TEC: variants seen among roughly 807,000 people sequenced by gnomAD.
TEC encodes tyrosine-protein kinase Tec.
In TEC, 72 loss-of-function variants were observed where a neutral mutation model predicts 93.0. The observed-to-expected ratio is 0.77, with a 90% CI of 0.64 to 0.94. The LOEUF is 0.94. TEC is among the 40% of genes least tolerant of loss of function. The pLI, the probability that TEC is intolerant of heterozygous loss-of-function variation, is 0.00. For missense variants in TEC, 630 were observed against 757.9 expected (o/e 0.83, Z 1.98); for synonymous variants, 249 against 247.7 (o/e 1.01, Z -0.05).
intron 1 of TEC, among the ~76,000 whole-genome samples, chr4:48,263,765 G>A (rs1560429402): frequency 1.3e-5 from 2 of 152,116 alleles, no homozygotes; most frequent in East Asian, 1.9e-4. Context: ...AGTAATCTAC[G>A]TACCACCCAA....
chr4:48,224,490 A>G (rs1723375596), intron 2 of TEC, among the ~76,000 whole-genome samples: 1 of 152,140 alleles, frequency 6.6e-6, no homozygotes. Context: ...CCCCTGTGTC[A>G]TTTAGCCCCG....
At position 48,228,514 on chromosome 4, in the gene TEC, G is replaced by T. The variant is rs148824532; in HGVS notation, c.101C>A (p.Thr34Lys). 6.2e-7 allele frequency: 1 copy of T among 1,612,696 alleles called. No individual in the cohort carries two copies. Among genetic ancestry groups the T allele is most frequent in the Non-Finnish European group, 8.5e-7 (1 of 1,179,830 alleles). ...LNYKERLFVL[T>K]KSMLTYYEGR... is the part of the protein sequence containing the mutation. Reference sequence around the variant, plus strand: ...CTCATAGTAGGTTAGCATGGACTTTGTAAGTACAAAAAGTCTCTCTTTGTA... The same window carrying T: ...CTCATAGTAGGTTAGCATGGACTTTTTAAGTACAAAAAGTCTCTCTTTGTA... Residue 34 changes from threonine (T) to lysine (K), a missense_variant, in exon 2 of 18, where the codon ACA (threonine) becomes AAA (lysine). Transcript: ENST00000381501.
At chr4:48,138,563 T>TA (rs1417409541) in intron 17 of TEC, 102 bp downstream of exon 17, 2 of 1,360,664 alleles carry the variant, frequency 1.5e-6, no homozygotes, top group Non-Finnish European at 2.0e-6. Context: ...GAAATCACTA[T>TA]AAAGATGCAC....
intron 8 of TEC, among the ~76,000 whole-genome samples, chr4:48,156,992 C>T (rs1720429138): frequency 6.6e-6 from 1 of 152,144 alleles, no homozygotes. Flanking sequence ...ACTACATAGG[C>T]TATACGATAA....
chr4:48,179,372 ATATATTT>A (rs1274165424), intron 2 of TEC, among the ~76,000 whole-genome samples: 4 of 27,106 alleles, frequency 1.5e-4, no homozygotes, highest in South Asian at 2.5e-3. Flanking sequence ...ATATATATAT[ATATATTT>A]TTTTTTTTTT....
chr4:48,159,115 T>C (rs1211530459), intron 8 of TEC, among the ~76,000 whole-genome samples: 1 of 150,536 alleles, frequency 6.6e-6, no homozygotes, highest in African/African-American at 2.4e-5. Context: ...AAGGCTCCCC[T>C]GAATTCTCCT....
chr4:48,186,979 G>C (rs1231782319), intron 2 of TEC, among the ~76,000 whole-genome samples: 1 of 152,262 alleles, frequency 6.6e-6, no homozygotes. Context: ...TGGCGTTTTT[G>C]TCGAATAGAA....
At chr4:48,173,483 C>A (rs969941189) in intron 3 of TEC, among the ~76,000 whole-genome samples, 2 of 152,328 alleles carry the variant, frequency 1.3e-5, no homozygotes, top group South Asian at 2.1e-4. Context: ...AACCTCAGAT[C>A]ACACAATGTT....
chr4:48,260,110 T>G (rs1293003782), intron 1 of TEC, among the ~76,000 whole-genome samples: 1 of 152,230 alleles, frequency 6.6e-6, no homozygotes, highest in African/African-American at 2.4e-5. Context: ...AAATGACCTG[T>G]CAGGTTCTTC....
intron 2 of TEC, 73 bp from the exon 3 acceptor site, chr4:48,176,259 A>G (rs1263164713): frequency 8.5e-7 from 1 of 1,170,964 alleles, no homozygotes; most frequent in Admixed American, 2.0e-5. Context: ...TTGTTAAGGA[A>G]ATTTTGCTCT....
intron 9 of TEC, 126 bp from the exon 10 acceptor site, chr4:48,151,068 A>T: frequency 1.6e-6 from 1 of 614,836 alleles, no homozygotes; most frequent in Non-Finnish European, 2.6e-6. Context: ...AAATGCTTTG[A>T]AGAAGCACAA....
At chr4:48,236,287 T>G (rs547513796) in intron 1 of TEC, among the ~76,000 whole-genome samples, 9 of 152,254 alleles carry the variant, frequency 5.9e-5, no homozygotes, top group African/African-American at 1.9e-4. Flanking sequence ...AGCTTTTTTT[T>G]TTGTTTTTTT....
intron 2 of TEC, among the ~76,000 whole-genome samples, chr4:48,191,133 T>C (rs756438883): frequency 2.5e-4 from 38 of 152,210 alleles, no homozygotes; most frequent in Non-Finnish European, 5.0e-4. Context: ...TATCTGTAAA[T>C]GGGGATCTTA....
At chr4:48,179,356 A>ATCTATC (rs1274067290) in intron 2 of TEC, among the ~76,000 whole-genome samples, 2 of 34,502 alleles carry the variant, frequency 5.8e-5, no homozygotes, top group African/African-American at 2.4e-4. Flanking sequence ...ATATATATAT[A>ATCTATC]TATATATATA....
intron 14 of TEC, 124 bp from the exon 15 acceptor site, chr4:48,141,543 C>G (rs978529681): frequency 5.6e-6 from 5 of 894,038 alleles, no homozygotes; most frequent in Non-Finnish European, 8.4e-6. Flanking sequence ...GTGGAAACAC[C>G]CTTTAATAAG....
chr4:48,209,733 A>G (rs1219878080), intron 2 of TEC, among the ~76,000 whole-genome samples: 2 of 152,384 alleles, frequency 1.3e-5, no homozygotes, highest in Non-Finnish European at 2.9e-5. Context: ...AATACATTTA[A>G]CAAGAAAAGT....
chr4:48,175,749 C>T (rs749408813), intron 3 of TEC, among the ~76,000 whole-genome samples: 5 of 152,096 alleles, frequency 3.3e-5, no homozygotes, highest in Non-Finnish European at 7.4e-5. Flanking sequence ...ATGATTACCC[C>T]GAAGAAGCAT....
chr4:48,227,758 A>C (rs532360363), intron 2 of TEC, among the ~76,000 whole-genome samples: 2 of 152,168 alleles, frequency 1.3e-5, no homozygotes, highest in African/African-American at 4.8e-5. Flanking sequence ...CTGGAAACCA[A>C]GGATATTTCT....
At chr4:48,208,976 G>A (rs1211873543) in intron 2 of TEC, among the ~76,000 whole-genome samples, 1 of 152,144 alleles carries the variant, frequency 6.6e-6, no homozygotes, top group Non-Finnish European at 1.5e-5. Flanking sequence ...TTATCCCACC[G>A]TGGTAGTCAC....
Sources: gnomAD v4.1 joint callset for allele counts (sites outside exome capture counted in the v4.1 genomes callset) on GRCh38, gnomAD v4.1.1 for gene constraint, MANE v1.5 for transcripts, NCBI Gene and HGNC (gene_info 2026-07-23, HGNC 2026-07-21) for gene names.